The following ZNF423 variants were observed in gnomAD, a reference collection of about 807,000 sequenced individuals.
ZNF423 encodes zinc finger protein 423, also known as Ebf-associated zinc finger protein.
ZNF423 carries 12 observed loss-of-function variants against 95.8 expected under a neutral mutation model. That is an observed-to-expected ratio of 0.13 (90% CI 0.08 to 0.20). ZNF423 has a LOEUF of 0.20. Ranked by LOEUF, ZNF423 falls within the 10% of genes least tolerant of loss-of-function variation. ZNF423 has a pLI of 1.00. For missense variants in ZNF423, 1,316 were observed against 1,737.1 expected (o/e 0.76, Z 4.31); for synonymous variants, 749 against 711.9 (o/e 1.05, Z -0.83).
intron 2 of ZNF423, among the ~76,000 whole-genome samples, chr16:49,774,274 C>A (rs2034083714): frequency 6.6e-6 from 1 of 152,174 alleles, no homozygotes; most frequent in African/African-American, 2.4e-5. Context: ...CAGGTTTCCA[C>A]CCAGATGGAA....
Position 49,488,149 on chromosome 16 carries a change from A to G in ZNF423, c.*3126T>C, listed in dbSNP as rs985051383. 1 of 152,230 alleles carries G rather than the reference A, an allele frequency of 6.6e-6. No homozygotes were observed. Among genetic ancestry groups the G allele is most frequent in the Admixed American group, 6.5e-5 (1 of 15,290 alleles). 9.4% of individuals were successfully genotyped at this position (152,230 alleles called of 1,614,324 possible). ...TGAGTTTTGGTCCTATTTACTGAAT[A>G]TTTATAGGTACAGGTTCCATCCCTA... On this transcript the variant is annotated 3_prime_UTR_variant, in exon 8 of 8. Coordinates refer to ENST00000563137, the MANE Select transcript of ZNF423 (RefSeq NM_001379286.1).
chr16:49,721,326 A>T (rs2032859547), intron 3 of ZNF423, among the ~76,000 whole-genome samples: 1 of 152,190 alleles, frequency 6.6e-6, no homozygotes, highest in African/African-American at 2.4e-5. Flanking sequence ...GAATGAATGA[A>T]CACCCATGCA....
At chr16:49,502,179 G>A (rs1303469698) in intron 7 of ZNF423, among the ~76,000 whole-genome samples, 1 of 152,208 alleles carries the variant, frequency 6.6e-6, no homozygotes, top group Non-Finnish European at 1.5e-5. Flanking sequence ...AGGGCCTCGA[G>A]AAGCCCCAGA....
chr16:49,740,709 A>G (rs558770786), intron 2 of ZNF423, among the ~76,000 whole-genome samples: 4 of 152,326 alleles, frequency 2.6e-5, no homozygotes, highest in Admixed American at 6.5e-5. Flanking sequence ...CGTCAGAGAC[A>G]TTGAACCTGA....
chr16:49,692,193 G>C (rs577050409), intron 3 of ZNF423, among the ~76,000 whole-genome samples: 1 of 152,020 alleles, frequency 6.6e-6, no homozygotes, highest in Non-Finnish European at 1.5e-5. Context: ...GGGTTCAAGC[G>C]ATCCTCCTGT....
intron 5 of ZNF423, among the ~76,000 whole-genome samples, chr16:49,572,142 G>A (rs1970372951): frequency 6.6e-6 from 1 of 152,172 alleles, no homozygotes; most frequent in African/African-American, 2.4e-5. Flanking sequence ...CTATGTGTCA[G>A]GCACTGGACA....
In ZNF423 at chr16:49,648,046, CAG is replaced by C. The variant is rs543281323; in HGVS notation, c.302-9174_302-9173del. Among the ~76,000 whole-genome samples the C allele has an allele frequency of 2.9e-3, 436 of 152,218 alleles. 2 individuals carry two copies. The highest frequency in any genetic ancestry group is 0.01 in the African/African-American group (418 of 41,528). ...ATTAATGACTCTGTTAATAAAGACT[CAG>C]AAGAAAGTAAGGAACACATCAGAGA... On this transcript the variant is annotated intron_variant, in intron 3 of 7. Coordinates refer to ENST00000563137, the MANE Select transcript of ZNF423 (RefSeq NM_001379286.1).
chr16:49,785,758 T>C (rs1036318633), intron 2 of ZNF423, among the ~76,000 whole-genome samples: 4 of 152,224 alleles, frequency 2.6e-5, no homozygotes, highest in African/African-American at 9.6e-5. Context: ...CCTGGGCCAC[T>C]AGCCTGCCTT....
chr16:49,707,010 T>C (rs1362479258), intron 3 of ZNF423, among the ~76,000 whole-genome samples: 3 of 152,176 alleles, frequency 2.0e-5, no homozygotes, highest in Non-Finnish European at 4.4e-5. Context: ...CCGGATCCTG[T>C]CACCCTTCTG....
chr16:49,731,293 C>A, intron 2 of ZNF423: 10 of 984,728 alleles, frequency 1.0e-5, no homozygotes, highest in Non-Finnish European at 1.1e-5. Context: ...GATTCAGTTA[C>A]ACACCTTTTT....
At chr16:49,564,949 T>C (rs1970140139) in intron 5 of ZNF423, among the ~76,000 whole-genome samples, 2 of 152,078 alleles carry the variant, frequency 1.3e-5, no homozygotes, top group South Asian at 4.2e-4. Context: ...CTCTCCCCAC[T>C]CTCCTGATTA....
intron 1 of ZNF423, among the ~76,000 whole-genome samples, chr16:49,830,791 C>G (rs1390705203): frequency 1.3e-5 from 2 of 152,148 alleles, no homozygotes; most frequent in East Asian, 3.9e-4. Flanking sequence ...GCTGACAGTA[C>G]TGAGCTGCTC....
chr16:49,815,926 T>A (rs1473160019), intron 1 of ZNF423, among the ~76,000 whole-genome samples: 3 of 88,112 alleles, frequency 3.4e-5, no homozygotes, highest in East Asian at 3.3e-4. Flanking sequence ...TTTTTTTTTT[T>A]TTTTTTTTTT....
rs533949482 is a variant in ZNF423 at position 49,504,961 on chromosome 16, G to A, written c.3850-13657C>T. ...AAGGGGGCCCTGATGGCTTACAAAT[G>A]CTGCAGGAAGGAAGTGTCTGTGTTT... On this transcript the variant is annotated intron_variant, in intron 7 of 7. Coordinates refer to ENST00000563137, the MANE Select transcript of ZNF423 (RefSeq NM_001379286.1). Among the ~76,000 whole-genome samples, 14 of 152,314 alleles carry A rather than the reference G, an allele frequency of 9.2e-5. No homozygotes were observed. In the East Asian group the frequency reaches 2.7e-3, roughly 29 times the overall value.
chr16:49,567,342 G>A (rs113729730), intron 5 of ZNF423, among the ~76,000 whole-genome samples: 35 of 152,364 alleles, frequency 2.3e-4, no homozygotes, highest in Admixed American at 3.9e-4. Flanking sequence ...ACAAAAGGGA[G>A]ATACAAAGCT....
At chr16:49,505,760 G>C (rs907755897) in intron 7 of ZNF423, among the ~76,000 whole-genome samples, 28 of 152,232 alleles carry the variant, frequency 1.8e-4, no homozygotes, top group African/African-American at 6.5e-4. Context: ...CAGAAAGGCA[G>C]GGCTCCATGG....
At chr16:49,804,629 C>T (rs1441545402) in intron 1 of ZNF423, among the ~76,000 whole-genome samples, 1 of 152,150 alleles carries the variant, frequency 6.6e-6, no homozygotes, top group East Asian at 1.9e-4. Context: ...CTCAAGGTCA[C>T]CTCCTCCAAG....
At chr16:49,749,946 T>C (rs2033601938) in intron 2 of ZNF423, among the ~76,000 whole-genome samples, 2 of 152,192 alleles carry the variant, frequency 1.3e-5, no homozygotes, top group African/African-American at 4.8e-5. Flanking sequence ...TGCTTCAGCA[T>C]TGCTGCCATC....
intron 3 of ZNF423, among the ~76,000 whole-genome samples, chr16:49,697,064 C>T (rs1014896434): frequency 4.6e-5 from 7 of 152,156 alleles, no homozygotes; most frequent in African/African-American, 1.7e-4. Context: ...TGGCTGGTGA[C>T]GGGCTGGCCC....
Sources: gnomAD v4.1 joint callset for allele counts (sites outside exome capture counted in the v4.1 genomes callset) on GRCh38, gnomAD v4.1.1 for gene constraint, MANE v1.5 for transcripts, NCBI Gene and HGNC (gene_info 2026-07-23, HGNC 2026-07-21) for gene names.